GRIK3: variants seen among roughly 807,000 people sequenced by gnomAD.
GRIK3 encodes glutamate ionotropic receptor kainate type subunit 3.
GRIK3 carries 29 observed loss-of-function variants against 102.5 expected under a neutral mutation model. The ratio of observed to expected loss-of-function variants is 0.28; its 90% CI spans 0.21 to 0.39. The LOEUF is 0.39. Among genes scored for constraint, GRIK3 ranks in the 10% least tolerant of loss-of-function variants. The probability of loss-of-function intolerance (pLI) is 1.00; values close to 1 mark genes in which losing one functional copy is unlikely to be tolerated. For synonymous variants in GRIK3, 511 were observed against 504.9 expected (o/e 1.01, Z -0.16); for missense variants, 908 against 1,252.4 (o/e 0.73, Z 4.15).
intron 1 of GRIK3, among the ~76,000 whole-genome samples, chr1:37,031,428 C>T (rs1435186115): frequency 1.3e-5 from 2 of 152,378 alleles, no homozygotes; most frequent in African/African-American, 4.8e-5. Context: ...CTCTGTCACA[C>T]TGCTGAGCTA....
At chr1:36,938,153 A>G (rs932661498) in intron 1 of GRIK3, among the ~76,000 whole-genome samples, 1 of 152,226 alleles carries the variant, frequency 6.6e-6, no homozygotes, top group Non-Finnish European at 1.5e-5. Context: ...ATGGAGATCA[A>G]GGGCAAGTGC....
At chr1:36,999,474 A>G (rs1642453091) in intron 1 of GRIK3, among the ~76,000 whole-genome samples, 1 of 152,116 alleles carries the variant, frequency 6.6e-6, no homozygotes, top group Non-Finnish European at 1.5e-5. Context: ...TCCTTTCTGG[A>G]AAGGACCCTG....
intron 1 of GRIK3, among the ~76,000 whole-genome samples, chr1:36,985,592 C>G (rs925139895): frequency 6.6e-6 from 1 of 152,148 alleles, no homozygotes; most frequent in Admixed American, 6.5e-5. Context: ...CCCAAGGTGC[C>G]CTGGATGGGT....
Position 36,801,438 on chromosome 1 carries a change from T to C in GRIK3, c.*413A>G, listed in dbSNP as rs1642438566. The C allele has an allele frequency of 6.2e-6, 1 of 161,568 alleles. No homozygotes were observed. The highest frequency in any genetic ancestry group is 6.1e-5 in the Admixed American group (1 of 16,486). 10.0% of individuals were successfully genotyped at this position (161,568 alleles called of 1,614,324 possible). A position where few individuals can be genotyped will look rare whatever the true frequency, so the allele number is the denominator to read the frequency against. On this transcript the variant is annotated 3_prime_UTR_variant, in exon 16 of 16. Transcript: ENST00000373091. ...TTAAGGCGCCGAAGGCTTGTGTCTC[T>C]GGCCTCACGGTCAAGCTGTAGGAGG...
chr1:36,929,879 T>C (rs1024137989), intron 1 of GRIK3, among the ~76,000 whole-genome samples: 1 of 152,280 alleles, frequency 6.6e-6, no homozygotes, highest in Non-Finnish European at 1.5e-5. Context: ...GATGTCAGCC[T>C]AGGCTGCAGG....
intron 10 of GRIK3, among the ~76,000 whole-genome samples, chr1:36,835,445 G>A: frequency 6.6e-6 from 1 of 152,154 alleles, no homozygotes. Context: ...GTTTTTCCAG[G>A]GTGCAGACTC....
intron 1 of GRIK3, among the ~76,000 whole-genome samples, chr1:36,951,897 G>T (rs995909485): frequency 2.0e-5 from 3 of 152,154 alleles, no homozygotes; most frequent in African/African-American, 7.2e-5. Flanking sequence ...CAGGTAGAGG[G>T]CAGCTGCCCC....
intron 11 of GRIK3, among the ~76,000 whole-genome samples, chr1:36,824,894 C>T (rs958624318): frequency 6.6e-6 from 1 of 152,128 alleles, no homozygotes; most frequent in Non-Finnish European, 1.5e-5. Flanking sequence ...ACTTTCTGAG[C>T]CTCAGGTGTC....
intron 7 of GRIK3, among the ~76,000 whole-genome samples, chr1:36,856,928 CAGTAGCGAT>C (rs1640659212): frequency 6.6e-6 from 1 of 152,142 alleles, no homozygotes; most frequent in Non-Finnish European, 1.5e-5. Flanking sequence ...ACAGTGATAA[CAGTAGCGAT>C]AGTGGAAGTA....
In GRIK3 at chr1:36,850,495, C is replaced by A. The variant is rs914624493; in HGVS notation, c.1213-71G>T. The A allele has an allele frequency of 4.7e-6, 4 of 846,866 alleles. No homozygotes were observed. The highest frequency in any genetic ancestry group is 1.4e-5 in the South Asian group (1 of 73,616). 52.5% of individuals were successfully genotyped at this position (846,866 alleles called of 1,614,324 possible). On this transcript the variant is annotated intron_variant, in intron 8 of 15. Transcript: ENST00000373091. The surrounding 1 kb of genome is among the most constrained non-coding windows in gnomAD (Gnocchi z 4.0). ...CCCATCTTCCTCCATATCGACAAGA[C>A]CTTCATCTCATTCCCATTCATCATG...
intron 1 of GRIK3, among the ~76,000 whole-genome samples, chr1:36,893,804 C>T (rs963887897): frequency 3.9e-5 from 6 of 152,216 alleles, no homozygotes; most frequent in African/African-American, 1.2e-4. Context: ...TACATATAAT[C>T]ACAAAAATTT....
At chr1:36,805,707 T>C (rs900311647) in intron 14 of GRIK3, among the ~76,000 whole-genome samples, 6 of 151,520 alleles carry the variant, frequency 4.0e-5, no homozygotes, top group African/African-American at 1.5e-4. Flanking sequence ...GAGGCTGAGG[T>C]GGGGAGATCA....
chr1:36,931,311 C>A (rs913867386), intron 1 of GRIK3, among the ~76,000 whole-genome samples: 2 of 152,178 alleles, frequency 1.3e-5, no homozygotes, highest in African/African-American at 2.4e-5. Flanking sequence ...TCGGCCCAGC[C>A]TCCCCTGGAG....
intron 1 of GRIK3, among the ~76,000 whole-genome samples, chr1:36,966,544 C>T (rs989307691): frequency 5.9e-5 from 9 of 151,974 alleles, no homozygotes; most frequent in Admixed American, 2.6e-4. Flanking sequence ...TTGAAGTTAG[C>T]GGGGGAGTGA....
At position 36,801,756 on chromosome 1, in the gene GRIK3, C is replaced by A; in HGVS notation, c.*95G>T. The A allele has an allele frequency of 8.9e-7, 1 of 1,125,646 alleles. No individual in the cohort carries two copies. Among genetic ancestry groups the A allele is most frequent in the South Asian group, 1.7e-5 (1 of 58,070 alleles). The allele number at this position is 1,125,646 out of a possible 1,614,324, so 69.7% of individuals were successfully genotyped here. A position where few individuals can be genotyped will look rare whatever the true frequency, so the allele number is the denominator to read the frequency against. On this transcript the variant is annotated 3_prime_UTR_variant, in exon 16 of 16. Coordinates refer to ENST00000373091, the MANE Select transcript of GRIK3 (RefSeq NM_000831.4). ...CAACAGGCAGGTGGCAGCTCTGGTC[C>A]CCAAGCCCAGTGCGGGGACAGGGGA... is the stretch of plus-strand genomic sequence containing the variant.
In GRIK3 at chr1:36,817,092, C is replaced by T. The variant is rs1345984162; in HGVS notation, c.2059G>A (p.Val687Ile). ...AAGGTCATGGTGGCCCCATCCTTGACAGCCCCATACTCGATTTTGGTTTGC... is the reference window on the plus strand; with the variant it reads ...AAGGTCATGGTGGCCCCATCCTTGATAGCCCCATACTCGATTTTGGTTTGC... ...AKQTKIEYGA[V>I]KDGATMTFFK... The change falls in exon 13 of 16, where the codon GTC becomes ATC. Residue 687 changes from valine to isoleucine, a missense_variant. Physicochemically the swap from Val to Ile is conservative, Grantham distance 29 (BLOSUM62 3). This residue lies in a region of GRIK3 where 297 missense variants were observed against 362.7 expected (regional missense o/e 0.82). Coordinates refer to ENST00000373091, the MANE Select transcript of GRIK3 (RefSeq NM_000831.4). The T allele has an allele frequency of 6.2e-7, 1 of 1,614,040 alleles. No homozygotes were observed. Among genetic ancestry groups the T allele is most frequent in the Admixed American group, 1.7e-5 (1 of 60,026 alleles).
chr1:37,000,250 A>C (rs549752669), intron 1 of GRIK3, among the ~76,000 whole-genome samples: 1 of 152,372 alleles, frequency 6.6e-6, no homozygotes, highest in African/African-American at 2.4e-5. Flanking sequence ...TTGACAAGAC[A>C]GGTGTTATTT....
chr1:36,884,965 G>A (rs1170894120), intron 2 of GRIK3, among the ~76,000 whole-genome samples: 2 of 152,234 alleles, frequency 1.3e-5, no homozygotes, highest in African/African-American at 2.4e-5. Flanking sequence ...GTCTGATGAT[G>A]CAGAGGATTG....
intron 13 of GRIK3, among the ~76,000 whole-genome samples, chr1:36,811,038 C>T (rs540500508): frequency 1.1e-4 from 16 of 152,322 alleles, no homozygotes; most frequent in African/African-American, 3.8e-4. Context: ...AGTGACATCA[C>T]CTCTCTGAGC....
Sources: allele counts gnomAD v4.1 joint callset (sites outside exome capture counted in the v4.1 genomes callset), GRCh38; gene constraint gnomAD v4.1.1; regional missense constraint gnomAD v4.1.1; non-coding constraint Gnocchi (gnomAD v3.1); transcripts MANE v1.5; gene names NCBI Gene and HGNC (gene_info 2026-07-23, HGNC 2026-07-21).